Variants in PSMA1 observed in about 807,000 individuals in gnomAD.
PSMA1 encodes proteasome 20S subunit alpha 1.
A neutral mutation model predicts 38.4 loss-of-function variants in PSMA1; 3 were observed. That is an observed-to-expected ratio of 0.08 (90% confidence interval 0.04 to 0.20). The LOEUF (loss-of-function observed/expected upper bound fraction) is 0.20. Among genes scored for constraint, PSMA1 ranks in the 10% least tolerant of loss-of-function variants. The pLI, the probability that PSMA1 is intolerant of heterozygous loss-of-function variation, is 1.00. For synonymous variants in PSMA1, 101 were observed against 107.1 expected, an observed-to-expected ratio of 0.94 and a Z score of 0.35; for missense variants, 227 against 325.3, an observed-to-expected ratio of 0.70 and a Z score of 2.32.
chr11:14,614,112 A>G (rs933112135), intron 1 of PSMA1, among the ~76,000 whole-genome samples: 7 of 152,210 alleles, frequency 4.6e-5, no homozygotes, highest in African/African-American at 1.4e-4. Flanking sequence ...GAAAATTTGG[A>G]TATTATTTAC....
At chr11:14,585,136 A>G (rs1852330658) in intron 2 of PSMA1, among the ~76,000 whole-genome samples, 1 of 152,162 alleles carries the variant, frequency 6.6e-6, no homozygotes, top group Non-Finnish European at 1.5e-5. Context: ...GGAATTGTCA[A>G]ATTTCCAAGC....
At chr11:14,606,473 G>C (rs1025703618) in intron 2 of PSMA1, among the ~76,000 whole-genome samples, 7 of 150,886 alleles carry the variant, frequency 4.6e-5, no homozygotes, top group Non-Finnish European at 1.0e-4. Context: ...TATTTGTCAA[G>C]ACCCTCAGGG....
chr11:14,505,120 G>C lies in PSMA1; in HGVS notation c.*72C>G, dbSNP rs1851223541. On this transcript the variant is annotated 3_prime_UTR_variant, in exon 10 of 10. Transcript: ENST00000396394. ...TCTGCAACTTTTGGTTCAAAGTATAGATTATTGTCATCAGTATGTGGTGCC... is the reference window on the plus strand; with the variant it reads ...TCTGCAACTTTTGGTTCAAAGTATACATTATTGTCATCAGTATGTGGTGCC... 4.4e-6 allele frequency: 6 copies of C among 1,368,916 alleles called. No homozygotes were observed. Among genetic ancestry groups the C allele is most frequent in the Non-Finnish European group, 6.3e-6 (6 of 958,832 alleles). 84.8% of individuals were successfully genotyped at this position (1,368,916 alleles called of 1,614,324 possible).
chr11:14,613,996 T>C lies in PSMA1; in HGVS notation c.-165-2845A>G, dbSNP rs182301551. On this transcript the variant is annotated intron_variant, in intron 1 of 10. Coordinates refer to the PSMA1 transcript ENST00000418988. ...CAGTAAATATTTATATTGAACTTAC[T>C]ATGAGAAAAGAACTCTGCTTGTCAC... Among the ~76,000 whole-genome samples the C allele has an allele frequency of 2.0e-5, 3 of 152,334 alleles. No individual in the cohort carries two copies. The East Asian group carries it at 5.8e-4, about 29-fold the overall frequency.
At position 14,569,322 on chromosome 11, in the gene PSMA1, G is replaced by A. The variant is rs1852110773; in HGVS notation, c.21+41644C>T. ...GCGACGCAGAAGACGGGTGATTTCC[G>A]TATTTCCAACTGAGGTACCAGGTTC... On this transcript the variant is annotated intron_variant, in intron 2 of 10. Transcript: ENST00000418988. Among the ~76,000 whole-genome samples, 3 of 152,110 alleles carry A rather than the reference G, an allele frequency of 2.0e-5. No individual in the cohort carries two copies. In the South Asian group the frequency reaches 6.2e-4, roughly 32 times the overall value.
chr11:14,565,733 T>C lies in PSMA1; in HGVS notation c.21+45233A>G, dbSNP rs557965980. Reference sequence around the variant, plus strand: ...TATTCTAGCAGGGAGAGATAAGCAATAAGTAGTAAGCAAAATGTATATAAT... The same window carrying C: ...TATTCTAGCAGGGAGAGATAAGCAACAAGTAGTAAGCAAAATGTATATAAT... On this transcript the variant is annotated intron_variant, in intron 2 of 10. Transcript: ENST00000418988. 3.9e-5 allele frequency among the ~76,000 whole-genome samples: 6 copies of C among 152,248 alleles called. No homozygotes were observed. In the East Asian group the frequency reaches 1.2e-3, roughly 29 times the overall value.
intron 3 of PSMA1, 56 bp from the exon 4 acceptor site, chr11:14,517,801 A>G (rs1271610447): frequency 2.0e-6 from 3 of 1,528,342 alleles, no homozygotes; most frequent in East Asian, 2.3e-5. Context: ...AAATGTAAAA[A>G]TAAGTTTACA....
At chr11:14,557,066 C>A (rs1475161470) in intron 2 of PSMA1, among the ~76,000 whole-genome samples, 1 of 152,136 alleles carries the variant, frequency 6.6e-6, no homozygotes, top group Non-Finnish European at 1.5e-5. Context: ...AACTCCTGGC[C>A]TCAAGTGATC....
intron 2 of PSMA1, among the ~76,000 whole-genome samples, chr11:14,554,366 C>T (rs1851920032): frequency 6.6e-6 from 1 of 152,172 alleles, no homozygotes; most frequent in Admixed American, 6.5e-5. Context: ...TTCTGGGTAT[C>T]ATGTTGAGGA....
At chr11:14,591,350 C>A (rs1852412277) in intron 2 of PSMA1, among the ~76,000 whole-genome samples, 1 of 152,200 alleles carries the variant, frequency 6.6e-6, no homozygotes, top group African/African-American at 2.4e-5. Flanking sequence ...CTCCCACCCA[C>A]TCTGTGGGTT....
At chr11:14,558,249 C>CAAAAAAAAAA (rs35509045) in intron 2 of PSMA1, among the ~76,000 whole-genome samples, 2 of 78,016 alleles carry the variant, frequency 2.6e-5, no homozygotes, top group African/African-American at 1.0e-4. Flanking sequence ...CCCATCTGCA[C>CAAAAAAAAAA]AAAAAAAAAA....
At chr11:14,600,046 C>G (rs1852559973) in intron 2 of PSMA1, among the ~76,000 whole-genome samples, 1 of 152,198 alleles carries the variant, frequency 6.6e-6, no homozygotes, top group Admixed American at 6.5e-5. Flanking sequence ...ACTCCAGACC[C>G]TATTTGCCTG....
At chr11:14,549,059 T>G (rs1469452125) in intron 2 of PSMA1, among the ~76,000 whole-genome samples, 1 of 152,174 alleles carries the variant, frequency 6.6e-6, no homozygotes, top group Non-Finnish European at 1.5e-5. Context: ...TATTACTGTT[T>G]TTTTTTTCTT....
intron 2 of PSMA1, among the ~76,000 whole-genome samples, chr11:14,529,986 C>T (rs928103517): frequency 4.6e-5 from 7 of 152,152 alleles, no homozygotes; most frequent in Non-Finnish European, 8.8e-5. Context: ...CTCCATGAAG[C>T]GGGGAATTTT....
chr11:14,514,117 T>C (rs1851389091), intron 5 of PSMA1: 2 of 1,319,582 alleles, frequency 1.5e-6, no homozygotes, highest in Non-Finnish European at 1.9e-6. Flanking sequence ...AAAACCTGAT[T>C]TGTTTTGGAT....
intron 2 of PSMA1, among the ~76,000 whole-genome samples, chr11:14,535,833 A>G (rs1851700729): frequency 6.6e-6 from 1 of 152,068 alleles, no homozygotes; most frequent in Admixed American, 6.6e-5. Flanking sequence ...TTTAAATTGG[A>G]GAATTAGTGT....
At chr11:14,517,313 A>G (rs2134149314) in intron 4 of PSMA1, among the ~76,000 whole-genome samples, 1 of 152,344 alleles carries the variant, frequency 6.6e-6, no homozygotes, top group East Asian at 1.9e-4. Flanking sequence ...AAAGAAAACA[A>G]GTGTGGTTCA....
chr11:14,587,438 G>A (rs1237960406), intron 2 of PSMA1, among the ~76,000 whole-genome samples: 1 of 152,188 alleles, frequency 6.6e-6, no homozygotes, highest in East Asian at 1.9e-4. Context: ...GCTCCTCCCA[G>A]TGTCACCCTT....
Position 14,513,550 on chromosome 11 carries a change from A to G in PSMA1, c.544+20T>C. 1 of 1,440,412 alleles carries G rather than the reference A, an allele frequency of 6.9e-7. No homozygotes were observed. Among genetic ancestry groups the G allele is most frequent in the Non-Finnish European group, 9.1e-7 (1 of 1,098,854 alleles). 89.2% of individuals were successfully genotyped at this position (1,440,412 alleles called of 1,614,324 possible). On this transcript the variant is annotated intron_variant, in intron 7 of 9. Coordinates refer to ENST00000396394, the MANE Select transcript of PSMA1 (RefSeq NM_002786.4). ...GAAAAGGCAAAAAAAAAAAAAAAAA[A>G]AAGCAAGGCTGTCACTTACACTCCA...
Sources: allele counts gnomAD v4.1 joint callset (sites outside exome capture counted in the v4.1 genomes callset), GRCh38; gene constraint gnomAD v4.1.1; transcripts MANE v1.5; gene names NCBI Gene and HGNC (gene_info 2026-07-23, HGNC 2026-07-21).